The following RALGPS1 variants were observed in gnomAD, a reference collection of about 807,000 sequenced individuals.
RALGPS1 encodes the protein ras-specific guanine nucleotide-releasing factor RalGPS1.
Under a neutral mutation model 78.8 loss-of-function variants are expected in RALGPS1, and 19 were observed. The observed-to-expected ratio is 0.24, with a 90% confidence interval of 0.17 to 0.35. RALGPS1 has a LOEUF of 0.35. Ranked by LOEUF, RALGPS1 falls within the 10% of genes least tolerant of loss-of-function variation. The pLI is 1.00. For synonymous variants in RALGPS1, 228 were observed against 256.3 expected, an observed-to-expected ratio of 0.89 and a Z score of 1.06; for missense variants, 454 against 688.3, an observed-to-expected ratio of 0.66 and a Z score of 3.81.
intron 13 of RALGPS1, among the ~76,000 whole-genome samples, chr9:127,198,653 C>T (rs1043191724): frequency 1.1e-4 from 16 of 152,132 alleles, no homozygotes; most frequent in Non-Finnish European, 2.4e-4. Flanking sequence ...TTTGGCCTCA[C>T]CAGGTGAGGC....
chr9:127,202,528 C>T (rs998262899), intron 14 of RALGPS1, among the ~76,000 whole-genome samples: 1 of 152,152 alleles, frequency 6.6e-6, no homozygotes, highest in African/African-American at 2.4e-5. Context: ...GTGCAGAGAG[C>T]AAAGGGGACC....
chr9:126,958,123 C>G (rs1438487444), intron 1 of RALGPS1, among the ~76,000 whole-genome samples: 1 of 41,540 alleles, frequency 2.4e-5, no homozygotes, highest in East Asian at 1.4e-3. Flanking sequence ...AGAGCTGTCT[C>G]TTTAAAAAAA....
intron 11 of RALGPS1, among the ~76,000 whole-genome samples, chr9:127,182,392 CCCTCCCTT>C (rs2060315366): frequency 1.9e-5 from 1 of 52,410 alleles, no homozygotes; most frequent in Non-Finnish European, 4.4e-5. Context: ...CTCCCTCCCT[CCCTCCCTT>C]CCTTCCTCCC....
At chr9:127,119,902 C>CT in intron 8 of RALGPS1, among the ~76,000 whole-genome samples, 2 of 152,236 alleles carry the variant, frequency 1.3e-5, no homozygotes, top group Non-Finnish European at 2.9e-5. Context: ...CAGGCTGGAG[C>CT]AGGGAAACCT....
At chr9:127,045,099 G>A (rs913018577) in intron 5 of RALGPS1, among the ~76,000 whole-genome samples, 13 of 151,994 alleles carry the variant, frequency 8.6e-5, no homozygotes, top group Non-Finnish European at 1.5e-4. Context: ...ATTTTTTTAA[G>A]GCAGTGAAAC....
intron 4 of RALGPS1, among the ~76,000 whole-genome samples, chr9:127,012,119 C>T (rs1300039702): frequency 1.3e-5 from 2 of 152,134 alleles, no homozygotes; most frequent in African/African-American, 4.8e-5. Flanking sequence ...TTTATGGCTG[C>T]AGATTGTTTC....
chr9:127,215,923 G>T (rs2062553804), intron 18 of RALGPS1: 1 of 152,350 alleles, frequency 6.6e-6, no homozygotes, highest in East Asian at 1.9e-4. Context: ...TGGCATAGAG[G>T]GTGGCGCTTC....
intron 1 of RALGPS1, among the ~76,000 whole-genome samples, chr9:126,944,026 A>C (rs1293147328): frequency 2.0e-5 from 3 of 152,254 alleles, no homozygotes; most frequent in Non-Finnish European, 4.4e-5. Context: ...CCCTCTGGTC[A>C]AAGCTGGGTT....
intron 7 of RALGPS1, among the ~76,000 whole-genome samples, chr9:127,061,593 C>G (rs2049218604): frequency 6.6e-6 from 1 of 152,206 alleles, no homozygotes; most frequent in Non-Finnish European, 1.5e-5. Flanking sequence ...TTGAACATCC[C>G]TTGTATGCCC....
chr9:127,184,122 T>A, intron 11 of RALGPS1: 1 of 1,409,492 alleles, frequency 7.1e-7, no homozygotes. Flanking sequence ...GCCCAGGAGT[T>A]CAAGACCAGC....
intron 3 of RALGPS1, among the ~76,000 whole-genome samples, 177 bp from the exon 4 acceptor site, chr9:126,977,518 G>A (rs1691992477): frequency 6.6e-6 from 1 of 151,798 alleles, no homozygotes; most frequent in South Asian, 2.1e-4. Context: ...ATGAAGCGGG[G>A]GAAGGGATGG....
intron 8 of RALGPS1, among the ~76,000 whole-genome samples, chr9:127,072,009 A>C (rs1451116162): frequency 6.6e-6 from 1 of 152,216 alleles, no homozygotes; most frequent in Non-Finnish European, 1.5e-5. Flanking sequence ...AGCCTTAGGC[A>C]ACTATTAATC....
At chr9:126,967,577 C>T (rs1267459819) in intron 3 of RALGPS1, among the ~76,000 whole-genome samples, 3 of 152,084 alleles carry the variant, frequency 2.0e-5, no homozygotes, top group African/African-American at 7.2e-5. Flanking sequence ...CATTCCATCA[C>T]TTAGGCTGAA....
intron 8 of RALGPS1, among the ~76,000 whole-genome samples, chr9:127,103,865 C>T (rs1445566926): frequency 6.6e-6 from 1 of 152,150 alleles, no homozygotes; most frequent in Non-Finnish European, 1.5e-5. Context: ...ATTTTTACAC[C>T]AGTTCCCCTC....
intron 4 of RALGPS1, among the ~76,000 whole-genome samples, chr9:127,032,186 C>T (rs2046486755): frequency 6.6e-6 from 1 of 152,152 alleles, no homozygotes; most frequent in African/African-American, 2.4e-5. Flanking sequence ...AATATAGTAT[C>T]ATACCCACTT....
intron 8 of RALGPS1, among the ~76,000 whole-genome samples, chr9:127,135,483 T>G (rs2057329806): frequency 6.6e-6 from 1 of 152,162 alleles, no homozygotes; most frequent in Admixed American, 6.5e-5. Context: ...TGTGCCCCTG[T>G]GGCAGGGAAA....
At chr9:127,071,241 T>C (rs1385927856) in intron 8 of RALGPS1, among the ~76,000 whole-genome samples, 1 of 152,134 alleles carries the variant, frequency 6.6e-6, no homozygotes, top group Non-Finnish European at 1.5e-5. Context: ...TGTCTATTGG[T>C]CTTTCCAAAG....
At chr9:126,974,065 G>T (rs1053987537) in intron 3 of RALGPS1, among the ~76,000 whole-genome samples, 2 of 152,030 alleles carry the variant, frequency 1.3e-5, no homozygotes, top group Admixed American at 1.3e-4. Context: ...TTACAGACAG[G>T]GTTTCACCAT....
At chr9:127,166,327 C>G in intron 9 of RALGPS1, 121 bp downstream of exon 9, 1 of 1,157,934 alleles carries the variant, frequency 8.6e-7, no homozygotes, top group Middle Eastern at 2.5e-4. Flanking sequence ...ATATATCGAG[C>G]ATCAAACATG....
Sources: allele counts gnomAD v4.1 joint callset (sites outside exome capture counted in the v4.1 genomes callset), GRCh38; gene constraint gnomAD v4.1.1; transcripts MANE v1.5; gene names NCBI Gene and HGNC (gene_info 2026-07-23, HGNC 2026-07-21).